The following PKNOX2 variants were observed in gnomAD, a reference collection of about 807,000 sequenced individuals.
The protein encoded by PKNOX2 is homeobox protein PKNOX2.
A neutral mutation model predicts 53.1 loss-of-function variants in PKNOX2; 14 were observed. The observed-to-expected ratio is 0.26, with a 90% confidence interval of 0.17 to 0.41. PKNOX2 has a LOEUF of 0.41. Among genes scored for constraint, PKNOX2 ranks in the 10% least tolerant of loss-of-function variants. The probability of loss-of-function intolerance (pLI) is 1.00; values close to 1 mark genes in which losing one functional copy is unlikely to be tolerated. For synonymous variants in PKNOX2, 257 were observed against 242.8 expected (o/e 1.06, Z -0.54); for missense variants, 496 against 602.8 (o/e 0.82, Z 1.85).
intron 5 of PKNOX2, among the ~76,000 whole-genome samples, chr11:125,382,045 C>T (rs863955): frequency 0.65 from 99,092 of 151,962 alleles, 32,564 homozygotes; most frequent in African/African-American, 0.69. Context: ...GGCAGATGTC[C>T]CGTCCTTACC....
intron 2 of PKNOX2, among the ~76,000 whole-genome samples, chr11:125,304,502 G>A (rs1466499875): frequency 6.6e-6 from 1 of 152,222 alleles, no homozygotes; most frequent in Non-Finnish European, 1.5e-5. Context: ...GAAGGGGAGG[G>A]CTCCCAGCCC....
chr11:125,176,113 C>G (rs1021722768), intron 1 of PKNOX2, among the ~76,000 whole-genome samples: 1 of 152,116 alleles, frequency 6.6e-6, no homozygotes, highest in Non-Finnish European at 1.5e-5. Context: ...CCTGAGCGCC[C>G]GGTGGTTTTG....
intron 2 of PKNOX2, among the ~76,000 whole-genome samples, chr11:125,264,495 C>T (rs139238904): frequency 5.9e-5 from 9 of 152,016 alleles, no homozygotes; most frequent in East Asian, 1.9e-4. Flanking sequence ...CAGGACTGGA[C>T]GTTAGGGCTG....
intron 1 of PKNOX2, among the ~76,000 whole-genome samples, chr11:125,231,549 G>A (rs1280897145): frequency 1.3e-5 from 2 of 152,270 alleles, no homozygotes; most frequent in Admixed American, 6.5e-5. Context: ...GAGGATCACA[G>A]ACAGCTGGCT....
intron 2 of PKNOX2, among the ~76,000 whole-genome samples, chr11:125,292,286 T>C (rs1019065169): frequency 3.9e-5 from 6 of 152,242 alleles, no homozygotes; most frequent in African/African-American, 9.6e-5. Context: ...GAATCTATTA[T>C]TGCTCTCTGG....
At chr11:125,225,255 G>GGGA (rs1160672255) in intron 1 of PKNOX2, among the ~76,000 whole-genome samples, 1 of 152,156 alleles carries the variant, frequency 6.6e-6, no homozygotes, top group Non-Finnish European at 1.5e-5. Flanking sequence ...CTAGTCAACT[G>GGGA]GTTGTCTGTC....
At chr11:125,201,886 A>T (rs1373738915) in intron 1 of PKNOX2, among the ~76,000 whole-genome samples, 2 of 152,158 alleles carry the variant, frequency 1.3e-5, no homozygotes, top group Non-Finnish European at 2.9e-5. Context: ...TTGGGGAAGA[A>T]TGTGGGCTCG....
At chr11:125,400,956 C>G (rs76936341) in intron 7 of PKNOX2, among the ~76,000 whole-genome samples, 9,110 of 152,118 alleles carry the variant, frequency 0.06, 948 homozygotes, top group African/African-American at 0.2. Context: ...ATAGACTCAT[C>G]CCTTCAGAGT....
intron 1 of PKNOX2, among the ~76,000 whole-genome samples, chr11:125,219,449 A>AT (rs1020612723): frequency 2.6e-5 from 4 of 152,078 alleles, no homozygotes; most frequent in African/African-American, 2.4e-5. Context: ...AAAAAAAAAA[A>AT]AAAATTATAA....
chr11:125,315,469 G>A (rs1459286564), intron 2 of PKNOX2, among the ~76,000 whole-genome samples: 2 of 152,158 alleles, frequency 1.3e-5, no homozygotes, highest in Non-Finnish European at 2.9e-5. Context: ...TATTGGCCCA[G>A]TGCAGAGAGG....
intron 1 of PKNOX2, among the ~76,000 whole-genome samples, chr11:125,222,848 T>C (rs886856854): frequency 1.3e-5 from 2 of 152,106 alleles, no homozygotes; most frequent in Non-Finnish European, 2.9e-5. Context: ...GTCTCTGCTT[T>C]CATCTTGCTT....
chr11:125,183,181 G>T (rs1178546078), intron 1 of PKNOX2, among the ~76,000 whole-genome samples: 1 of 148,080 alleles, frequency 6.8e-6, no homozygotes, highest in Non-Finnish European at 1.5e-5. Flanking sequence ...CATGGTGGCT[G>T]TAGCATGCGA....
chr11:125,266,038 C>T (rs147605448), intron 2 of PKNOX2, among the ~76,000 whole-genome samples: 56 of 152,222 alleles, frequency 3.7e-4, no homozygotes, highest in African/African-American at 1.3e-3. Flanking sequence ...GTCTCTGCCC[C>T]GAGGCAGGTC....
At chr11:125,227,747 T>C (rs763378389) in intron 1 of PKNOX2, among the ~76,000 whole-genome samples, 6 of 152,228 alleles carry the variant, frequency 3.9e-5, no homozygotes, top group Non-Finnish European at 8.8e-5. Context: ...GTTTATAGTA[T>C]GTAAAAAGTG....
chr11:125,293,519 C>G (rs1325432079), intron 2 of PKNOX2, among the ~76,000 whole-genome samples: 1 of 152,158 alleles, frequency 6.6e-6, no homozygotes, highest in Non-Finnish European at 1.5e-5. Context: ...TTTCCTTGTT[C>G]TTTGTCTGGC....
At chr11:125,298,330 G>A (rs1045015464) in intron 2 of PKNOX2, among the ~76,000 whole-genome samples, 7 of 152,170 alleles carry the variant, frequency 4.6e-5, no homozygotes, top group African/African-American at 2.4e-5. Context: ...TTGTGTATGC[G>A]TCACCAGGGA....
chr11:125,217,008 A>AACACAC (rs10571639), intron 1 of PKNOX2, among the ~76,000 whole-genome samples: 19,194 of 147,068 alleles, frequency 0.13, 1,275 homozygotes, highest in Middle Eastern at 0.16. Flanking sequence ...ATCCCCTCAA[A>AACACAC]ACACACACAC....
In PKNOX2 at chr11:125,341,100, G is replaced by A. The variant is rs139211949; in HGVS notation, c.-23+9175G>A. On this transcript the variant is annotated intron_variant, in intron 3 of 12. Coordinates refer to ENST00000298282, the MANE Select transcript of PKNOX2 (RefSeq NM_001382323.2). ...AAGCCGGCCAGGCACAGTGACTAAT[G>A]TCTATAATCCCAGAACTTTGGAAGG... Among the ~76,000 whole-genome samples, 946 of 145,344 alleles carry A rather than the reference G, an allele frequency of 6.5e-3. 6 individuals are homozygous for A. Among genetic ancestry groups the A allele is most frequent in the Non-Finnish European group, 9.7e-3 (648 of 66,934 alleles).
At chr11:125,379,096 T>C (rs1278915965) in intron 5 of PKNOX2, among the ~76,000 whole-genome samples, 5 of 150,866 alleles carry the variant, frequency 3.3e-5, no homozygotes, top group African/African-American at 1.2e-4. Context: ...AGTCTCAATC[T>C]GTCGCCCAGG....
Sources: gnomAD v4.1 joint callset for allele counts (sites outside exome capture counted in the v4.1 genomes callset) on GRCh38, gnomAD v4.1.1 for gene constraint, MANE v1.5 for transcripts, NCBI Gene and HGNC (gene_info 2026-07-23, HGNC 2026-07-21) for gene names.